The following MAGI2 variants were observed in gnomAD, a reference collection of about 807,000 sequenced individuals.
MAGI2 encodes membrane associated guanylate kinase, WW and PDZ domain containing 2.
A neutral mutation model predicts 133.3 loss-of-function variants in MAGI2; 35 were observed. The observed-to-expected ratio is 0.26, with a 90% CI of 0.20 to 0.35. The LOEUF is 0.35. MAGI2 is among the 10% of genes least tolerant of loss of function. MAGI2 has a pLI of 1.00. For synonymous variants in MAGI2, 729 were observed against 710.6 expected, an observed-to-expected ratio of 1.03 and a Z score of -0.41; for missense variants, 1,636 against 1,863.4, an observed-to-expected ratio of 0.88 and a Z score of 2.25.
intron 10 of MAGI2, chr7:78,253,286 G>C (rs1792618117): frequency 6.6e-6 from 1 of 152,116 alleles, no homozygotes; most frequent in South Asian, 2.1e-4. Context: ...ACTCTCACCA[G>C]CATTAAGCTA....
At chr7:78,988,801 T>C (rs1805499594) in intron 2 of MAGI2, among the ~76,000 whole-genome samples, 1 of 151,980 alleles carries the variant, frequency 6.6e-6, no homozygotes, top group Non-Finnish European at 1.5e-5. Flanking sequence ...GGATGACTAT[T>C]TTTGAGTCTG....
At chr7:79,020,825 T>C (rs111743625) in intron 1 of MAGI2, among the ~76,000 whole-genome samples, 117 of 148,378 alleles carry the variant, frequency 7.9e-4, no homozygotes, top group Non-Finnish European at 1.5e-3. Context: ...GCCAAGACAA[T>C]GGGGAAAAAT....
chr7:79,158,467 T>C (rs1171165522), intron 1 of MAGI2, among the ~76,000 whole-genome samples: 1 of 152,138 alleles, frequency 6.6e-6, no homozygotes. Flanking sequence ...ATTAAAAATG[T>C]CCTAAGAATT....
chr7:78,434,982 G>C (rs1800144764), intron 6 of MAGI2, among the ~76,000 whole-genome samples: 1 of 152,046 alleles, frequency 6.6e-6, no homozygotes. Flanking sequence ...ACCAGACAAA[G>C]ACCTAAACTC....
At chr7:79,206,784 C>A (rs1829095491) in intron 1 of MAGI2, among the ~76,000 whole-genome samples, 1 of 151,616 alleles carries the variant, frequency 6.6e-6, no homozygotes, top group Admixed American at 6.6e-5. Context: ...GGCCAATATC[C>A]CTGATGAATA....
chr7:79,330,535 A>G (rs1452727323), intron 1 of MAGI2, among the ~76,000 whole-genome samples: 1 of 152,022 alleles, frequency 6.6e-6, no homozygotes, highest in Non-Finnish European at 1.5e-5. Flanking sequence ...AGAGAGAGTC[A>G]CTTTATACTG....
chr7:78,697,648 T>C (rs954452221), intron 2 of MAGI2, among the ~76,000 whole-genome samples: 1 of 152,170 alleles, frequency 6.6e-6, no homozygotes, highest in Non-Finnish European at 1.5e-5. Flanking sequence ...TCCATCCTCA[T>C]CTCGTAGAGC....
chr7:78,824,622 GT>G (rs34749986), intron 2 of MAGI2, among the ~76,000 whole-genome samples: 67,705 of 151,614 alleles, frequency 0.45, 15,881 homozygotes, highest in South Asian at 0.56. Context: ...TGATGGGGTT[GT>G]TTTTTTTCTA....
intron 20 of MAGI2, among the ~76,000 whole-genome samples, chr7:78,085,671 C>T (rs1816565417): frequency 6.6e-6 from 1 of 151,680 alleles, no homozygotes; most frequent in African/African-American, 2.4e-5. Context: ...TATGGATGCA[C>T]AGAAGAGAGA....
chr7:78,958,304 T>C (rs1361776423), intron 2 of MAGI2, among the ~76,000 whole-genome samples: 2 of 152,110 alleles, frequency 1.3e-5, no homozygotes, highest in African/African-American at 4.8e-5. Context: ...GGATAGGTCT[T>C]CTAAATTGGG....
intron 20 of MAGI2, among the ~76,000 whole-genome samples, chr7:78,117,618 A>G (rs1820003244): frequency 6.6e-6 from 1 of 152,134 alleles, no homozygotes; most frequent in African/African-American, 2.4e-5. Context: ...GAAATAAACA[A>G]AAGTGCCTGC....
intron 6 of MAGI2, among the ~76,000 whole-genome samples, chr7:78,370,692 T>A (rs942322306): frequency 6.6e-6 from 1 of 151,970 alleles, no homozygotes; most frequent in African/African-American, 2.4e-5. Context: ...TAAATACAGA[T>A]CCACAATTCC....
intron 21 of MAGI2, among the ~76,000 whole-genome samples, chr7:78,049,729 G>A (rs938033131): frequency 6.6e-5 from 10 of 152,154 alleles, no homozygotes; most frequent in African/African-American, 2.4e-5. Context: ...TACAGTTGAC[G>A]AGACTGTATC....
chr7:79,169,581 G>A (rs1234519204), intron 1 of MAGI2, among the ~76,000 whole-genome samples: 1 of 151,960 alleles, frequency 6.6e-6, no homozygotes, highest in African/African-American at 2.4e-5. Flanking sequence ...AGGCTCAGCT[G>A]GCTTTCAATA....
intron 1 of MAGI2, among the ~76,000 whole-genome samples, chr7:79,116,786 C>T (rs531743024): frequency 6.6e-6 from 1 of 152,158 alleles, no homozygotes; most frequent in Non-Finnish European, 1.5e-5. Context: ...GAACCTGTTT[C>T]TGCCCCCTTC....
At chr7:78,358,879 C>T (rs958303246) in intron 7 of MAGI2, 5 of 158,630 alleles carry the variant, frequency 3.2e-5, no homozygotes, top group Admixed American at 1.9e-4. Context: ...TGTTTGAGAC[C>T]AGAAAAGACT....
At chr7:79,342,395 A>T (rs1463362364) in intron 1 of MAGI2, among the ~76,000 whole-genome samples, 1 of 152,214 alleles carries the variant, frequency 6.6e-6, no homozygotes, top group Non-Finnish European at 1.5e-5. Flanking sequence ...TCAAAACTGT[A>T]GTTGAAGACA....
intron 1 of MAGI2, among the ~76,000 whole-genome samples, chr7:79,115,520 G>GA (rs1304504423): frequency 6.6e-6 from 1 of 152,080 alleles, no homozygotes; most frequent in Non-Finnish European, 1.5e-5. Flanking sequence ...ATTATGCTCA[G>GA]AAAAATCTGC....
chr7:79,366,147 T>G (rs903819737), intron 1 of MAGI2, among the ~76,000 whole-genome samples: 5 of 151,470 alleles, frequency 3.3e-5, no homozygotes. Flanking sequence ...GAGGCTGAGG[T>G]GGGAGGATCG....
Sources: allele counts gnomAD v4.1 joint callset (sites outside exome capture counted in the v4.1 genomes callset), GRCh38; gene constraint gnomAD v4.1.1; transcripts MANE v1.5; gene names NCBI Gene and HGNC (gene_info 2026-07-23, HGNC 2026-07-21).